The following GLIS3 variants were observed in gnomAD, a reference collection of about 807,000 sequenced individuals.
GLIS3 encodes GLIS family zinc finger 3.
GLIS3 carries 53 observed loss-of-function variants against 78.6 expected under a neutral mutation model. The ratio of observed to expected loss-of-function variants is 0.67; its 90% CI spans 0.54 to 0.85. The LOEUF (loss-of-function observed/expected upper bound fraction) is 0.85, where lower values mean the gene tolerates loss of function less well. Ranked by LOEUF, GLIS3 falls within the 40% of genes least tolerant of loss-of-function variation. The pLI, the probability that GLIS3 is intolerant of heterozygous loss-of-function variation, is 0.00. For missense variants in GLIS3, 1,703 were observed against 1,231.1 expected, an observed-to-expected ratio of 1.38 and a Z score of -5.74; for synonymous variants, 684 against 509.9, an observed-to-expected ratio of 1.34 and a Z score of -4.60.
chr9:4,367,956 C>G, the GLIS3 span, among the ~76,000 whole-genome samples: 1 of 152,122 alleles, frequency 6.6e-6, no homozygotes, highest in Non-Finnish European at 1.5e-5. Context: ...TTGGCCAAAC[C>G]TATAAGAAAG....
chr9:3,979,243 T>C (rs1271927551), intron 4 of GLIS3, among the ~76,000 whole-genome samples: 1 of 152,192 alleles, frequency 6.6e-6, no homozygotes, highest in African/African-American at 2.4e-5. Context: ...CTATCTCCAC[T>C]TCCTCTGCAA....
At chr9:3,895,818 G>T (rs1460152385) in intron 7 of GLIS3, among the ~76,000 whole-genome samples, 1 of 152,146 alleles carries the variant, frequency 6.6e-6, no homozygotes, top group Non-Finnish European at 1.5e-5. Context: ...GTCCTCAATC[G>T]TTGTGGCTTC....
the GLIS3 span, among the ~76,000 whole-genome samples, chr9:4,449,951 C>A: frequency 6.6e-6 from 1 of 152,130 alleles, no homozygotes. Flanking sequence ...TCCAAAGGAT[C>A]ACAGCTCCTC....
chr9:4,061,864 C>T (rs1475393670), intron 4 of GLIS3, among the ~76,000 whole-genome samples: 4 of 152,184 alleles, frequency 2.6e-5, no homozygotes, highest in South Asian at 4.1e-4. Flanking sequence ...CACATGTTAC[C>T]GTGCTCCTCC....
chr9:4,223,176 G>A (rs1587033648), intron 2 of GLIS3, among the ~76,000 whole-genome samples: 1 of 152,122 alleles, frequency 6.6e-6, no homozygotes, highest in East Asian at 1.9e-4. Flanking sequence ...AATGACAGCT[G>A]GAAAAACGAA....
At chr9:4,312,063 A>G (rs1817369291) in intron 2 of GLIS3, among the ~76,000 whole-genome samples, 1 of 152,214 alleles carries the variant, frequency 6.6e-6, no homozygotes, top group Admixed American at 6.5e-5. Context: ...TCACAAAACA[A>G]TTTGTACAAC....
At chr9:4,456,464 A>G in the GLIS3 span, among the ~76,000 whole-genome samples, 9 of 152,204 alleles carry the variant, frequency 5.9e-5, no homozygotes, top group Admixed American at 2.6e-4. Context: ...TCATCTATCT[A>G]GACTACTAAA....
chr9:4,419,437 G>C, the GLIS3 span, among the ~76,000 whole-genome samples: 1 of 152,142 alleles, frequency 6.6e-6, no homozygotes, highest in South Asian at 2.1e-4. Flanking sequence ...CTACCACGAA[G>C]GCGGAAGGCA....
the GLIS3 span, among the ~76,000 whole-genome samples, chr9:4,489,734 G>GC: frequency 7.2e-5 from 11 of 152,118 alleles, no homozygotes; most frequent in Non-Finnish European, 1.5e-4. Context: ...TCTAATCACT[G>GC]CCCCAAGCCT....
chr9:3,842,811 A>G (rs1054491752), intron 9 of GLIS3, among the ~76,000 whole-genome samples: 2 of 152,234 alleles, frequency 1.3e-5, no homozygotes, highest in South Asian at 4.1e-4. Flanking sequence ...AAGTTTTCCA[A>G]GTGAAATACC....
intron 4 of GLIS3, among the ~76,000 whole-genome samples, chr9:4,081,669 CG>C (rs1828562056): frequency 6.6e-6 from 1 of 152,186 alleles, no homozygotes; most frequent in African/African-American, 2.4e-5. Context: ...ACCAGCCTAT[CG>C]TGACTAATAC....
chr9:4,375,726 TAA>T, the GLIS3 span, among the ~76,000 whole-genome samples: 2 of 152,206 alleles, frequency 1.3e-5, no homozygotes, highest in Non-Finnish European at 2.9e-5. Flanking sequence ...AAACAAATGT[TAA>T]GAGTATTTCC....
chr9:4,330,747 T>A (rs1817673505), intron 2 of GLIS3, among the ~76,000 whole-genome samples: 1 of 149,134 alleles, frequency 6.7e-6, no homozygotes, highest in South Asian at 2.1e-4. Flanking sequence ...TGGGAGGGAG[T>A]GGGAGCCCAC....
chr9:4,204,345 C>G (rs532988967), intron 2 of GLIS3, among the ~76,000 whole-genome samples: 1 of 152,286 alleles, frequency 6.6e-6, no homozygotes, highest in South Asian at 2.1e-4. Context: ...ATATAACCAT[C>G]TGATACACTT....
At chr9:4,476,923 G>C in the GLIS3 span, among the ~76,000 whole-genome samples, 5 of 152,234 alleles carry the variant, frequency 3.3e-5, no homozygotes, top group Non-Finnish European at 5.9e-5. Flanking sequence ...ACAAATATTG[G>C]TGAGGATGTG....
intron 2 of GLIS3, among the ~76,000 whole-genome samples, chr9:4,316,965 T>TGTC (rs1817446469): frequency 6.6e-6 from 1 of 151,476 alleles, no homozygotes; most frequent in African/African-American, 2.4e-5. Context: ...TTTAATATGT[T>TGTC]TTGCTTAAAG....
At chr9:4,307,925 T>C (rs920078092) in intron 4 of GLIS3, among the ~76,000 whole-genome samples, 1 of 152,136 alleles carries the variant, frequency 6.6e-6, no homozygotes, top group Admixed American at 6.5e-5. Context: ...TAAGATAGAA[T>C]TGCGGGTTGT....
chr9:3,878,397 C>T (rs1239829810), intron 8 of GLIS3, among the ~76,000 whole-genome samples: 1 of 152,140 alleles, frequency 6.6e-6, no homozygotes, highest in Non-Finnish European at 1.5e-5. Flanking sequence ...ATTCAACGGA[C>T]ATTCATTAAA....
At chr9:4,283,408 G>A (rs1382448563) in intron 2 of GLIS3, among the ~76,000 whole-genome samples, 1 of 151,992 alleles carries the variant, frequency 6.6e-6, no homozygotes, top group Admixed American at 6.6e-5. Context: ...TGGGATTACA[G>A]GCGCCCACCA....
Sources: allele counts gnomAD v4.1 joint callset (sites outside exome capture counted in the v4.1 genomes callset), GRCh38; gene constraint gnomAD v4.1.1; transcripts MANE v1.5; gene names NCBI Gene and HGNC (gene_info 2026-07-23, HGNC 2026-07-21).